The following DNAH2 variants were observed in gnomAD, a reference collection of about 807,000 sequenced individuals.
The protein encoded by DNAH2 is axonemal beta dynein heavy chain 2.
Under a neutral mutation model 523.5 loss-of-function variants are expected in DNAH2, and 323 were observed. That is an observed-to-expected ratio of 0.62 (90% CI 0.56 to 0.68). The LOEUF (loss-of-function observed/expected upper bound fraction) is 0.68. Among genes scored for constraint, DNAH2 ranks in the 30% least tolerant of loss-of-function variants. DNAH2 has a pLI of 0.00. For missense variants in DNAH2, 4,907 were observed against 5,701.5 expected, an observed-to-expected ratio of 0.86 and a Z score of 4.49; for synonymous variants, 2,093 against 2,177.4, an observed-to-expected ratio of 0.96 and a Z score of 1.08.
rs543448171 is a variant in DNAH2, at chr17:7,749,164, C to T, written c.1904+6022C>T. ...TCTCTACTAAAAATACAAAATTAGCCGGGCATGGTGGCAAGCGTCTGTAAT... is the reference window on the plus strand; with the variant it reads ...TCTCTACTAAAAATACAAAATTAGCTGGGCATGGTGGCAAGCGTCTGTAAT... On this transcript the variant is annotated intron_variant, in intron 12 of 85. Coordinates refer to ENST00000572933, the MANE Select transcript of DNAH2 (RefSeq NM_020877.5). Among the ~76,000 whole-genome samples, 13 of 150,620 alleles carry T rather than the reference C, an allele frequency of 8.6e-5. No individual in the cohort carries two copies. The East Asian group carries it at 2.1e-3, about 25-fold the overall frequency.
At chr17:7,773,678 A>T (rs1023498140) in intron 28 of DNAH2, among the ~76,000 whole-genome samples, 2 of 152,154 alleles carry the variant, frequency 1.3e-5, no homozygotes, top group Admixed American at 1.3e-4. Context: ...AACTATCATG[A>T]ATTTCTTTTT....
At chr17:7,787,146 G>T in intron 42 of DNAH2, 113 bp downstream of exon 42, 1 of 1,350,508 alleles carries the variant, frequency 7.4e-7, no homozygotes, top group Non-Finnish European at 1.0e-6. Flanking sequence ...CTGTGGGAGA[G>T]AGCTGAAAGG....
At chr17:7,813,647 C>T (rs928391811) in intron 63 of DNAH2, among the ~76,000 whole-genome samples, 11 of 152,132 alleles carry the variant, frequency 7.2e-5, no homozygotes, top group African/African-American at 2.7e-4. Context: ...GTGGCTCATG[C>T]CTGTAATTCC....
At chr17:7,722,812 T>A (rs2074658408) in intron 2 of DNAH2, among the ~76,000 whole-genome samples, 2 of 152,166 alleles carry the variant, frequency 1.3e-5, no homozygotes. Flanking sequence ...TGTTGCCACC[T>A]TTTGCCTATT....
At chr17:7,753,687 C>T (rs2075753467) in intron 12 of DNAH2, among the ~76,000 whole-genome samples, 1 of 152,152 alleles carries the variant, frequency 6.6e-6, no homozygotes, top group Non-Finnish European at 1.5e-5. Flanking sequence ...GTGGCTCACG[C>T]CTGTAACCCC....
chr17:7,833,587 G>A lies in DNAH2; in HGVS notation c.*54G>A. On this transcript the variant is annotated 3_prime_UTR_variant, in exon 86 of 86. Transcript: ENST00000572933. Reference sequence around the variant, plus strand: ...GAGGGTCAGGGACTCCAGGAGCTAAGACAGATGTTGCACCTAGGACTGAGG... The same window carrying A: ...GAGGGTCAGGGACTCCAGGAGCTAAAACAGATGTTGCACCTAGGACTGAGG... 1.2e-6 allele frequency: 2 copies of A among 1,605,198 alleles called. No homozygotes were observed. The highest frequency in any genetic ancestry group is 1.1e-5 in the South Asian group (1 of 90,850).
intron 63 of DNAH2, among the ~76,000 whole-genome samples, chr17:7,813,777 G>A (rs1008018422): frequency 6.6e-6 from 1 of 151,876 alleles, no homozygotes; most frequent in Non-Finnish European, 1.5e-5. Flanking sequence ...GCATGGTGGT[G>A]CACACCTGTA....
intron 58 of DNAH2, among the ~76,000 whole-genome samples, chr17:7,802,904 C>T (rs1254401646): frequency 6.6e-6 from 1 of 151,842 alleles, no homozygotes; most frequent in Admixed American, 6.6e-5. Context: ...AACTCCTGAC[C>T]TCAGGTGATC....
At chr17:7,787,481 T>C in intron 42 of DNAH2, 1 of 252,580 alleles carries the variant, frequency 4.0e-6, no homozygotes, top group East Asian at 9.5e-5. Context: ...ACGCCTGTAA[T>C]CCTAGCACTT....
rs2078173764 is a variant in DNAH2, at chr17:7,831,504, G to C, written c.12574G>C (p.Glu4192Gln). 4 of 1,614,194 alleles carry C rather than the reference G, an allele frequency of 2.5e-6. No individual in the cohort carries two copies. ...CCCCCTCAATGTGGTCCTTCTGCAGGAGATCCAGAGATACAACACACTGAT... is the reference window on the plus strand; with the variant it reads ...CCCCCTCAATGTGGTCCTTCTGCAGCAGATCCAGAGATACAACACACTGAT... Reference protein sequence around the residue: ...PSPLNVVLLQEIQRYNTLMQT... With the variant: ...PSPLNVVLLQQIQRYNTLMQT... Residue 4192 changes from glutamate to glutamine, a missense_variant, in exon 81 of 86, where the codon GAG (glutamate) becomes CAG (glutamine). Physicochemically the swap from Glu to Gln is conservative, Grantham distance 29. Coordinates refer to ENST00000572933, the MANE Select transcript of DNAH2 (RefSeq NM_020877.5). This position sits in a 1 kb window ranked among gnomAD's most constrained non-coding sequence, Gnocchi z 4.2.
intron 49 of DNAH2, among the ~76,000 whole-genome samples, chr17:7,795,984 G>GTATA (rs757795928): frequency 2.8e-5 from 4 of 143,574 alleles, no homozygotes; most frequent in African/African-American, 1.0e-4. Context: ...TAAATATATA[G>GTATA]TATATATATA....
intron 63 of DNAH2, among the ~76,000 whole-genome samples, chr17:7,808,636 C>G (rs1484710320): frequency 6.6e-6 from 1 of 151,636 alleles, no homozygotes; most frequent in African/African-American, 2.4e-5. Flanking sequence ...TGAAAGCAGC[C>G]GATATTACTG....
In DNAH2 at chr17:7,831,763, G is replaced by A. The variant is rs776139568; in HGVS notation, c.12714G>A (p.Pro4238=). The A allele has an allele frequency of 1.9e-5, 30 of 1,613,758 alleles. 1 individual carries two copies. The South Asian group carries it at 2.1e-4, about 11-fold the overall frequency. The change falls in exon 82 of 86, where the codon CCG becomes CCA. Residue 4238 remains proline (P), a synonymous_variant. Transcript: ENST00000572933. The surrounding 1 kb of genome is among the most constrained non-coding windows in gnomAD (Gnocchi z 4.2). ...GCATCTTTGATGCCCATGTTCCTCC[G>A]CTCTGGGGAAAGGCAAGATTATACC... is the stretch of plus-strand genomic sequence containing the variant. ...FNCIFDAHVP[P]LWGKAYPSQK... is the part of the protein sequence containing the mutation.
At chr17:7,820,094 C>T (rs1316469352) in intron 72 of DNAH2, among the ~76,000 whole-genome samples, 1 of 152,188 alleles carries the variant, frequency 6.6e-6, no homozygotes. Context: ...CAGGCATGAG[C>T]CACCACGCCT....
At position 7,770,931 on chromosome 17, in the gene DNAH2, G is replaced by C; in HGVS notation, c.4360G>C (p.Glu1454Gln). The C allele has an allele frequency of 3.1e-6, 5 of 1,613,502 alleles. No individual in the cohort carries two copies. The highest frequency in any genetic ancestry group is 4.2e-6 in the Non-Finnish European group (5 of 1,179,988). ...LTVQRQWMYL[E>Q]NIFLGEDIRK... Reference sequence around the variant, plus strand: ...AGTGCAGCGTCAGTGGATGTACTTAGAGGTCAGGACTCAGCGCCTGAGCTC... The same window carrying C: ...AGTGCAGCGTCAGTGGATGTACTTACAGGTCAGGACTCAGCGCCTGAGCTC... The change falls in exon 27 of 86, where the codon GAG (glutamate) becomes CAG (glutamine). Residue 1454 changes from glutamate to glutamine, a missense_variant and splice_region_variant. By Grantham distance (29) the Glu-to-Gln change is conservative (BLOSUM62 2). This residue lies in a region of DNAH2 where 2,806 missense variants were observed against 3,190.8 expected (regional missense o/e 0.88). Coordinates refer to ENST00000572933, the MANE Select transcript of DNAH2 (RefSeq NM_020877.5).
At chr17:7,826,535 CTTTTT>C (rs35943055) in intron 77 of DNAH2, among the ~76,000 whole-genome samples, 1 of 111,222 alleles carries the variant, frequency 9.0e-6, no homozygotes, top group African/African-American at 3.4e-5. Context: ...TGCCCATCAT[CTTTTT>C]TTTTTTTTTT....
In DNAH2 at chr17:7,823,814, A is replaced by G. The variant is rs2077937275; in HGVS notation, c.11330-20A>G. ...TCCAGACTCACTCCCTCTCCCTGCA[A>G]TGACTCACCTCATCCCCAGGTGAGT... On this transcript the variant is annotated intron_variant, in intron 74 of 85. Transcript: ENST00000572933. 1.2e-6 allele frequency: 2 copies of G among 1,612,226 alleles called. No individual in the cohort carries two copies. The highest frequency in any genetic ancestry group is 1.3e-5 in the African/African-American group (1 of 74,858).
chr17:7,786,084 A>C lies in DNAH2; in HGVS notation c.6130-40A>C, dbSNP rs771412700. 1 of 1,607,402 alleles carries C rather than the reference A, an allele frequency of 6.2e-7. No homozygotes were observed. The highest frequency in any genetic ancestry group is 8.5e-7 in the Non-Finnish European group (1 of 1,175,010). ...ATTTTGAAAGCCCTTTAAAGGCCTC[A>C]TCCTTTTTCTTCTGCTTGCTGTGTT... On this transcript the variant is annotated intron_variant, in intron 39 of 85. Transcript: ENST00000572933. The surrounding 1 kb of genome is among the most constrained non-coding windows in gnomAD (Gnocchi z 7.5).
Position 7,739,844 on chromosome 17 carries a change from G to A in DNAH2, c.1282G>A (p.Glu428Lys). 1 of 1,614,040 alleles carries A rather than the reference G, an allele frequency of 6.2e-7. No individual in the cohort carries two copies. The highest frequency in any genetic ancestry group is 8.5e-7 in the Non-Finnish European group (1 of 1,180,016). ...GATAACACGGAACTTGCTGGAGATT[G>A]AGGACATCTTTCATAAAAATCTGCA... ...PQITRNLLEI[E>K]DIFHKNLHTL... The change falls in exon 9 of 86, where the codon GAG becomes AAG. Residue 428 changes from glutamate to lysine, a missense_variant. This residue lies in a region of DNAH2 where 2,806 missense variants were observed against 3,190.8 expected (regional missense o/e 0.88). Transcript: ENST00000572933.
Sources: allele counts gnomAD v4.1 joint callset (sites outside exome capture counted in the v4.1 genomes callset), GRCh38; gene constraint gnomAD v4.1.1; regional missense constraint gnomAD v4.1.1; non-coding constraint Gnocchi (gnomAD v3.1); transcripts MANE v1.5; gene names NCBI Gene and HGNC (gene_info 2026-07-23, HGNC 2026-07-21).